The following CMKLR1 variants were observed in gnomAD, a reference collection of about 807,000 sequenced individuals.
CMKLR1 encodes chemerin chemokine-like receptor 1, also known as chemerin-like receptor 1.
A neutral mutation model predicts 8.2 loss-of-function variants in CMKLR1; 6 were observed. The observed-to-expected ratio is 0.73, with a 90% CI of 0.40 to 1.44. The LOEUF is 1.44. CMKLR1 is among the 40% of genes most tolerant of loss of function. The pLI is 0.02. For synonymous variants in CMKLR1, 178 were observed against 181.2 expected (o/e 0.98, Z 0.14); for missense variants, 429 against 478.0 (o/e 0.90, Z 0.96).
rs559833092 is a variant in CMKLR1 at position 108,309,536 on chromosome 12, C to CAA, written c.-73-15874_-73-15873dup. Among the ~76,000 whole-genome samples the CAA allele has an allele frequency of 2.5e-3, 340 of 135,320 alleles. 1 individual carries two copies. The highest frequency in any genetic ancestry group is 8.3e-3 in the African/African-American group (312 of 37,392). The allele number at this position is 135,320 out of a possible 152,430, so 88.8% of individuals were successfully genotyped here. A position where few individuals can be genotyped will look rare whatever the true frequency, so the allele number is the denominator to read the frequency against. On this transcript the variant is annotated intron_variant, in intron 2 of 3. Transcript: ENST00000550402. ...GGTGACAGGGTGAGACCTCCATCTCCAAAAAAAAAAAAAGCCAGTAGTGGG... is the reference window on the plus strand; with the variant it reads ...GGTGACAGGGTGAGACCTCCATCTCCAAAAAAAAAAAAAAAGCCAGTAGTGGG...
rs771537993 is a variant in CMKLR1 at position 108,292,195 on chromosome 12, C to T, written c.768G>A (p.Lys256=). 1 of 1,614,066 alleles carries T rather than the reference C, an allele frequency of 6.2e-7. No homozygotes were observed. Among genetic ancestry groups the T allele is most frequent in the East Asian group, 2.2e-5 (1 of 44,882 alleles). The part of the protein sequence containing the change: ...KLQRNRLAKT[K]KPFKIIVTII... ...TGGTCACAATAATCTTGAAGGGCTT[C>T]TTGGTCTTGGCCAGGCGGTTGCGCT... The change falls in exon 4 of 4, where the codon AAG becomes AAA. Residue 256 remains lysine (K), a synonymous_variant. Transcript: ENST00000550402.
chr12:108,293,544 T>C, intron 3 of CMKLR1, 45 bp downstream of exon 3: 3 of 1,550,740 alleles, frequency 1.9e-6, no homozygotes, highest in Non-Finnish European at 2.6e-6. Flanking sequence ...AATCTGTCAG[T>C]GGTCACTGGT....
At chr12:108,330,891 C>A (rs1211182038) in intron 1 of CMKLR1, among the ~76,000 whole-genome samples, 1 of 152,192 alleles carries the variant, frequency 6.6e-6, no homozygotes. Flanking sequence ...CAAGCCAACA[C>A]ATATCCCAAG....
chr12:108,298,039 G>A (rs1207439870), intron 2 of CMKLR1, among the ~76,000 whole-genome samples: 2 of 152,166 alleles, frequency 1.3e-5, no homozygotes, highest in Non-Finnish European at 2.9e-5. Context: ...GAACAATGTT[G>A]CTTCTCTTGA....
rs1376809500 is a variant in CMKLR1 at position 108,292,135 on chromosome 12, G to A, written c.828C>T (p.Tyr276=). The change falls in exon 4 of 4, where the codon TAC becomes TAT. Residue 276 remains tyrosine (Y), a synonymous_variant. Transcript: ENST00000550402. The part of the protein sequence containing the change: ...IITFFLCWCP[Y]HTLNLLELHH... ...GGAGCTCTAGGAGGTTGAGTGTGTG[G>A]TAGGGGCACCAGCAGAGGAAGAAGG... 4.3e-6 allele frequency: 7 copies of A among 1,614,186 alleles called. No homozygotes were observed. The highest frequency in any genetic ancestry group is 5.9e-6 in the Non-Finnish European group (7 of 1,180,032).
chr12:108,337,697 TTTTGGGGGAGTCCAA>T (rs1413739261), intron 1 of CMKLR1, among the ~76,000 whole-genome samples: 1 of 152,064 alleles, frequency 6.6e-6, no homozygotes, highest in Admixed American at 6.5e-5. Flanking sequence ...TTCCCTGAAG[TTTTGGGGGAGTCCAA>T]AGAAGGCCCC....
intron 2 of CMKLR1, among the ~76,000 whole-genome samples, chr12:108,321,400 C>A (rs1209976519): frequency 1.3e-5 from 2 of 152,062 alleles, no homozygotes; most frequent in Non-Finnish European, 2.9e-5. Flanking sequence ...CCACTGTACT[C>A]CAGCCTGGGT....
chr12:108,303,117 C>T (rs1891321257), intron 2 of CMKLR1, among the ~76,000 whole-genome samples: 1 of 152,230 alleles, frequency 6.6e-6, no homozygotes, highest in Non-Finnish European at 1.5e-5. Context: ...AACATGCAGC[C>T]CTCAGAGCTC....
rs1566016788 is a variant in CMKLR1, at chr12:108,292,178, A to G, written c.785T>C (p.Ile262Thr). Residue 262 changes from isoleucine to threonine, a missense_variant, in exon 4 of 4, where the codon ATT becomes ACT. Physicochemically the swap from Ile to Thr is moderately conservative, Grantham distance 89. Transcript: ENST00000550402. ...GAAGAAGGTAATGATGATGGTCACA[A>G]TAATCTTGAAGGGCTTCTTGGTCTT... Reference protein sequence around the residue: ...LAKTKKPFKIIVTIIITFFLC... With the variant: ...LAKTKKPFKITVTIIITFFLC... 7 of 1,614,074 alleles carry G rather than the reference A, an allele frequency of 4.3e-6. No individual in the cohort carries two copies. The Admixed American group carries it at 6.7e-5, about 15-fold the overall frequency.
intron 2 of CMKLR1, among the ~76,000 whole-genome samples, chr12:108,305,262 T>C (rs1891378382): frequency 2.0e-5 from 3 of 152,160 alleles, no homozygotes; most frequent in Admixed American, 6.5e-5. Flanking sequence ...GACCGTTCCA[T>C]AGATTTGCAA....
At position 108,320,332 on chromosome 12, in the gene CMKLR1, G is replaced by A. The variant is rs943526494; in HGVS notation, c.-74+9663C>T. On this transcript the variant is annotated intron_variant, in intron 2 of 3. Transcript: ENST00000550402. ...TCCCAAAGGGGTGGCATGACTAGGG[G>A]ACGAAGCCCTGAGCTTCCCTCCCCA... Among the ~76,000 whole-genome samples the A allele has an allele frequency of 1.6e-4, 24 of 152,120 alleles. 1 individual carries two copies. The highest frequency in any genetic ancestry group is 5.8e-4 in the African/African-American group (24 of 41,392).
rs1891052780 is a variant in CMKLR1 at position 108,293,641 on chromosome 12, G to T, written c.-50C>A. The T allele has an allele frequency of 6.8e-7, 1 of 1,477,246 alleles. No homozygotes were observed. The highest frequency in any genetic ancestry group is 9.2e-7 in the Non-Finnish European group (1 of 1,089,378). 91.5% of individuals were successfully genotyped at this position (1,477,246 alleles called of 1,614,324 possible). On this transcript the variant is annotated 5_prime_UTR_variant, in exon 3 of 4. The change creates a new upstream start codon in the 5' untranslated region. Coordinates refer to ENST00000550402, the MANE Select transcript of CMKLR1 (RefSeq NM_001142343.2). ...TCCAATGTGAGTCCTCAGCCAATCA[G>T]TCCCTGTACACAGCTAGAAACACCT...
intron 2 of CMKLR1, among the ~76,000 whole-genome samples, chr12:108,319,742 G>A (rs1433727913): frequency 6.6e-6 from 1 of 152,066 alleles, no homozygotes; most frequent in African/African-American, 2.4e-5. Context: ...ACCATTATAT[G>A]ACTTGGCCTC....
chr12:108,296,823 CA>C (rs372405165), intron 2 of CMKLR1, among the ~76,000 whole-genome samples: 2,087 of 135,610 alleles, frequency 0.015, 26 homozygotes, highest in African/African-American at 0.045. Flanking sequence ...AGACTGTCTT[CA>C]AAAAAAAAAA....
At chr12:108,325,306 A>T (rs1891956663) in intron 2 of CMKLR1, among the ~76,000 whole-genome samples, 1 of 152,126 alleles carries the variant, frequency 6.6e-6, no homozygotes, top group Non-Finnish European at 1.5e-5. Context: ...ACTCTCAATC[A>T]CCTGAGAGCA....
In CMKLR1 at chr12:108,309,155, T is replaced by C. The variant is rs540779678; in HGVS notation, c.-73-15491A>G. ...TTGAATGTTGGTAATGGGTTTATGTTGGTAATGTTTTAGAAGCATGCCTGG... is the reference window on the plus strand; with the variant it reads ...TTGAATGTTGGTAATGGGTTTATGTCGGTAATGTTTTAGAAGCATGCCTGG... On this transcript the variant is annotated intron_variant, in intron 2 of 3. Transcript: ENST00000550402. 5.9e-5 allele frequency among the ~76,000 whole-genome samples: 9 copies of C among 152,292 alleles called. No homozygotes were observed. In the South Asian group the frequency reaches 1.9e-3, roughly 32 times the overall value.
intron 1 of CMKLR1, among the ~76,000 whole-genome samples, chr12:108,337,337 G>A (rs1892251422): frequency 6.6e-6 from 1 of 152,214 alleles, no homozygotes; most frequent in African/African-American, 2.4e-5. Flanking sequence ...TAAGAGATGG[G>A]ACTTCAGTCC....
intron 2 of CMKLR1, among the ~76,000 whole-genome samples, chr12:108,328,717 C>A (rs1892039206): frequency 6.6e-6 from 1 of 152,182 alleles, no homozygotes; most frequent in East Asian, 1.9e-4. Flanking sequence ...AAGACCTGTT[C>A]TTGACGTCAG....
intron 2 of CMKLR1, among the ~76,000 whole-genome samples, chr12:108,300,399 C>A (rs1344726317): frequency 6.6e-6 from 1 of 152,196 alleles, no homozygotes; most frequent in Non-Finnish European, 1.5e-5. Context: ...GTTCCATGTA[C>A]CTATCACCTA....
Sources: allele counts gnomAD v4.1 joint callset (sites outside exome capture counted in the v4.1 genomes callset), GRCh38; gene constraint gnomAD v4.1.1; transcripts MANE v1.5; gene names NCBI Gene and HGNC (gene_info 2026-07-23, HGNC 2026-07-21).